IGF2BP1: variants seen among roughly 807,000 people sequenced by gnomAD.
IGF2BP1 encodes the protein insulin-like growth factor 2 mRNA-binding protein 1.
IGF2BP1 carries 11 observed loss-of-function variants against 74.9 expected under a neutral mutation model. The observed-to-expected ratio is 0.15, with a 90% CI of 0.09 to 0.24. The LOEUF (loss-of-function observed/expected upper bound fraction) is 0.24. Ranked by LOEUF, IGF2BP1 falls within the 10% of genes least tolerant of loss-of-function variation. The probability of loss-of-function intolerance (pLI) is 1.00; values close to 1 mark genes in which losing one functional copy is unlikely to be tolerated. For synonymous variants in IGF2BP1, 287 were observed against 281.8 expected (o/e 1.02, Z -0.18); for missense variants, 440 against 757.4 (o/e 0.58, Z 4.92).
intron 14 of IGF2BP1, among the ~76,000 whole-genome samples, chr17:49,047,130 T>C (rs73988947): frequency 0.021 from 3,123 of 152,270 alleles, 106 homozygotes; most frequent in African/African-American, 0.071. Context: ...GCTAGAGCAA[T>C]TGGGGCAAAC....
intron 2 of IGF2BP1, chr17:49,012,886 C>T (rs1238433801): frequency 6.6e-6 from 1 of 152,114 alleles, no homozygotes. Flanking sequence ...CCAGCCACCG[C>T]GCCTGGCTTC....
intron 2 of IGF2BP1, among the ~76,000 whole-genome samples, chr17:49,022,270 A>G (rs1490516388): frequency 2.6e-5 from 4 of 152,216 alleles, no homozygotes; most frequent in African/African-American, 7.2e-5. Context: ...GACCAAGGGA[A>G]GGGAATACGG....
intron 4 of IGF2BP1, among the ~76,000 whole-genome samples, chr17:49,031,420 C>G (rs2144080866): frequency 6.6e-6 from 1 of 152,052 alleles, no homozygotes. Flanking sequence ...TTTGAATTTT[C>G]TAGTAGCTTC....
In IGF2BP1 at chr17:49,025,706, G is replaced by A. The variant is rs373459040; in HGVS notation, c.285+40G>A. The A allele has an allele frequency of 8.6e-5, 137 of 1,585,570 alleles. 4 individuals carry two copies. The South Asian group carries it at 1.2e-3, about 14-fold the overall frequency. ...GAAACTCTAAATGGAGTGGGATAGT[G>A]GAGCCTGGAAAGTACGTCTGGACTA... On this transcript the variant is annotated intron_variant, in intron 3 of 14. Coordinates refer to ENST00000290341, the MANE Select transcript of IGF2BP1 (RefSeq NM_006546.4).
At chr17:49,014,417 C>G (rs1243424664) in intron 2 of IGF2BP1, among the ~76,000 whole-genome samples, 1 of 151,670 alleles carries the variant, frequency 6.6e-6, no homozygotes, top group South Asian at 2.1e-4. Flanking sequence ...TTCTCTTGGC[C>G]GTCCCCTCCT....
intron 2 of IGF2BP1, among the ~76,000 whole-genome samples, chr17:49,016,598 A>G (rs1394576059): frequency 6.6e-6 from 1 of 152,136 alleles, no homozygotes; most frequent in Non-Finnish European, 1.5e-5. Flanking sequence ...CAGTGCGTGT[A>G]TGCCACATAC....
In IGF2BP1 at chr17:49,010,313, C is replaced by CTTT. The variant is rs397857828; in HGVS notation, c.236+11165_236+11167dup. The stretch of plus-strand genomic sequence containing the variant: ...TTACTTTTTCCCACATGGTGGTCAT[C>CTTT]TTTTTTTTTTTTTTTTTTTTTTTGA... On this transcript the variant is annotated intron_variant, in intron 2 of 14. Coordinates refer to ENST00000290341, the MANE Select transcript of IGF2BP1 (RefSeq NM_006546.4). 2.1e-3 allele frequency among the ~76,000 whole-genome samples: 219 copies of CTTT among 105,582 alleles called. 1 individual carries two copies. Among genetic ancestry groups the CTTT allele is most frequent in the East Asian group, 3.0e-3 (12 of 3,962 alleles). 69.3% of individuals were successfully genotyped at this position (105,582 alleles called of 152,430 possible).
At chr17:49,044,167 C>T (rs978377167) in intron 11 of IGF2BP1, 81 bp downstream of exon 11, 1 of 1,530,612 alleles carries the variant, frequency 6.5e-7, no homozygotes, top group Non-Finnish European at 8.8e-7. Context: ...TCCCATATTC[C>T]CCCTACTCAT....
Position 49,053,403 on chromosome 17 carries a change from C to G in IGF2BP1, c.*3959C>G, listed in dbSNP as rs2042189846. The G allele has an allele frequency of 1.3e-5, 2 of 152,734 alleles. No homozygotes were observed. Among genetic ancestry groups the G allele is most frequent in the African/African-American group, 4.8e-5 (2 of 41,464 alleles). 9.5% of individuals were successfully genotyped at this position (152,734 alleles called of 1,614,324 possible). Reference sequence around the variant, plus strand: ...GAAACTGGGAGCTAAGGGCGAGGCCCTTCCCTTCAGAGGCTCCTGGGGGAT... The same window carrying G: ...GAAACTGGGAGCTAAGGGCGAGGCCGTTCCCTTCAGAGGCTCCTGGGGGAT... On this transcript the variant is annotated 3_prime_UTR_variant, in exon 15 of 15. Transcript: ENST00000290341.
At chr17:48,997,105 C>T (rs185617782), upstream of IGF2BP1, among the ~76,000 whole-genome samples, 4 of 152,234 alleles carry the variant, frequency 2.6e-5, no homozygotes, top group East Asian at 7.8e-4. This position sits in a 1 kb window ranked among gnomAD's most constrained non-coding sequence, Gnocchi z 4.8. Flanking sequence ...GCTGGACCAT[C>T]CTCCCCCAGT....
intron 2 of IGF2BP1, among the ~76,000 whole-genome samples, chr17:49,021,732 T>C (rs977567844): frequency 2.0e-5 from 3 of 152,190 alleles, no homozygotes; most frequent in Non-Finnish European, 4.4e-5. Context: ...GAGTTCACCT[T>C]CCTTTTCTGA....
chr17:49,024,838 A>G (rs374774052), intron 2 of IGF2BP1, among the ~76,000 whole-genome samples: 1 of 152,226 alleles, frequency 6.6e-6, no homozygotes. Flanking sequence ...TGTCTCCAGC[A>G]TCTGGAACAA....
At chr17:49,045,829 CA>C in intron 12 of IGF2BP1, 60 bp from the exon 13 acceptor site, 2 of 1,557,874 alleles carry the variant, frequency 1.3e-6, no homozygotes, top group Non-Finnish European at 1.7e-6. Context: ...TCCTTTTTCC[CA>C]CTTTTCTCTT....
At chr17:49,018,954 G>A (rs1376778489) in intron 2 of IGF2BP1, among the ~76,000 whole-genome samples, 1 of 152,144 alleles carries the variant, frequency 6.6e-6, no homozygotes, top group Non-Finnish European at 1.5e-5. Flanking sequence ...GTCCAGGCTT[G>A]ACTCATGACA....
At chr17:49,042,193 C>T in intron 8 of IGF2BP1, 49 bp from the exon 9 acceptor site, 1 of 1,612,732 alleles carries the variant, frequency 6.2e-7, no homozygotes, top group African/African-American at 1.3e-5. Context: ...CTGCCGGGGC[C>T]TGGTCCTGGC....
intron 5 of IGF2BP1, among the ~76,000 whole-genome samples, chr17:49,036,171 A>G (rs550274704): frequency 3.2e-4 from 49 of 152,200 alleles, no homozygotes; most frequent in Admixed American, 9.2e-4. Flanking sequence ...TGTAATTTTG[A>G]AAGTTAGCTT....
intron 2 of IGF2BP1, among the ~76,000 whole-genome samples, chr17:49,002,056 CA>C (rs951463120): frequency 6.6e-5 from 10 of 152,176 alleles, no homozygotes; most frequent in African/African-American, 2.4e-4. Context: ...TGCACTGACT[CA>C]TTTTTTTTAA....
Position 48,997,501 on chromosome 17 carries a change from G to T in IGF2BP1, c.-245G>T. The T allele has an allele frequency of 2.2e-6, 1 of 456,764 alleles. No homozygotes were observed. The highest frequency in any genetic ancestry group is 3.9e-6 in the Non-Finnish European group (1 of 256,466). The allele number at this position is 456,764 out of a possible 1,614,324, so 28.3% of individuals were successfully genotyped here. On this transcript the variant is annotated 5_prime_UTR_variant, in exon 1 of 15. Transcript: ENST00000290341. This position sits in a 1 kb window ranked among gnomAD's most constrained non-coding sequence, Gnocchi z 4.8. The stretch of plus-strand genomic sequence containing the variant: ...CGGACCGAAGGGAAGAAGCTGCGCC[G>T]TGTCGTCCGTCTCCCTGCGCGCCGC...
chr17:49,037,138 A>G, intron 5 of IGF2BP1: 1 of 413,010 alleles, frequency 2.4e-6, no homozygotes, highest in Non-Finnish European at 4.7e-6. Context: ...GTTTTGAAGC[A>G]GCATCTCAGA....
Sources: allele counts gnomAD v4.1 joint callset (sites outside exome capture counted in the v4.1 genomes callset), GRCh38; gene constraint gnomAD v4.1.1; non-coding constraint Gnocchi (gnomAD v3.1); transcripts MANE v1.5; gene names NCBI Gene and HGNC (gene_info 2026-07-23, HGNC 2026-07-21).